SNX16: variants seen among roughly 807,000 people sequenced by gnomAD.
The protein encoded by SNX16 is sorting nexin 16.
A neutral mutation model predicts 36.7 loss-of-function variants in SNX16; 35 were observed. That is an observed-to-expected ratio of 0.95 (90% CI 0.73 to 1.27). The LOEUF (loss-of-function observed/expected upper bound fraction) is 1.27. Ranked by LOEUF, SNX16 falls within the 50% of genes most tolerant of loss-of-function variation. The pLI, the probability that SNX16 is intolerant of heterozygous loss-of-function variation, is 0.00. For synonymous variants in SNX16, 134 were observed against 132.0 expected (o/e 1.02, Z -0.10); for missense variants, 367 against 393.6 (o/e 0.93, Z 0.57).
At chr8:81,836,571 T>C (rs1811505439) in intron 2 of SNX16, among the ~76,000 whole-genome samples, 1 of 152,164 alleles carries the variant, frequency 6.6e-6, no homozygotes, top group African/African-American at 2.4e-5. Flanking sequence ...CTTTGACCTC[T>C]CTTTCTCCCA....
intron 5 of SNX16, chr8:81,808,667 A>G: frequency 1.0e-6 from 1 of 997,310 alleles, no homozygotes; most frequent in Non-Finnish European, 1.6e-6. Context: ...TTGCCAAACC[A>G]CGAAACCAAG....
chr8:81,810,681 T>C (rs1475580504), intron 5 of SNX16, among the ~76,000 whole-genome samples: 1 of 152,204 alleles, frequency 6.6e-6, no homozygotes, highest in Non-Finnish European at 1.5e-5. Context: ...AAATCAGTGG[T>C]TCTACATCAG....
chr8:81,814,795 A>G (rs1269343193), intron 5 of SNX16: 1 of 152,154 alleles, frequency 6.6e-6, no homozygotes, highest in Non-Finnish European at 1.5e-5. Context: ...AAAAACTTGC[A>G]TAAAATCCTA....
intron 2 of SNX16, among the ~76,000 whole-genome samples, chr8:81,836,726 C>A (rs1157440868): frequency 1.3e-5 from 2 of 152,240 alleles, no homozygotes; most frequent in East Asian, 3.8e-4. Flanking sequence ...AACCTACTAA[C>A]TGCTTCCTGC....
At position 81,801,548 on chromosome 8, in the gene SNX16, A is replaced by G. The variant is rs369990543; in HGVS notation, c.984T>C (p.Ala328=). 1.8e-5 allele frequency: 29 copies of G among 1,595,608 alleles called. No homozygotes were observed. The highest frequency in any genetic ancestry group is 2.4e-5 in the Non-Finnish European group (28 of 1,175,808). The change falls in exon 8 of 8, where the codon GCT becomes GCC. Residue 328 remains alanine, a synonymous_variant. Transcript: ENST00000345957. ...PCLSFSEPEN[A]VSEIEVAEVA... ...CTTCTGCTACTTCTATCTCTGATAC[A>G]GCATTTTCAGGTTCACTAAAACTTA...
At chr8:81,808,619 C>CA (rs1810081345) in intron 5 of SNX16, 1 of 946,130 alleles carries the variant, frequency 1.1e-6, no homozygotes, top group African/African-American at 1.6e-5. Flanking sequence ...ACTTTGGAGG[C>CA]AGAAGCTCTG....
chr8:81,810,231 A>C (rs1371772581), intron 5 of SNX16, among the ~76,000 whole-genome samples: 1 of 152,086 alleles, frequency 6.6e-6, no homozygotes, highest in African/African-American at 2.4e-5. Context: ...GAATTTTCCC[A>C]AAAAAAGGTA....
chr8:81,816,450 A>G (rs541402656), intron 4 of SNX16, among the ~76,000 whole-genome samples: 3 of 152,066 alleles, frequency 2.0e-5, no homozygotes, highest in South Asian at 2.1e-4. Context: ...TCAGCCTTCC[A>G]AAGTGCTGGG....
intron 2 of SNX16, among the ~76,000 whole-genome samples, chr8:81,836,169 C>A (rs1341491791): frequency 2.0e-5 from 3 of 152,184 alleles, no homozygotes; most frequent in African/African-American, 7.2e-5. Context: ...ATTCTACTCA[C>A]TACACATCCT....
chr8:81,832,636 T>C (rs929228555), intron 2 of SNX16, among the ~76,000 whole-genome samples: 2 of 152,052 alleles, frequency 1.3e-5, no homozygotes, highest in Non-Finnish European at 1.5e-5. Flanking sequence ...TTTGTAATTA[T>C]GTACAATTAT....
rs1026226679 is a variant in SNX16 at position 81,831,327 on chromosome 8, C to A, written c.376-1811G>T. ...ACTATCAATGGAATAAAGAGACAAC[C>A]TACAGAATGGGAGAAAATATTTGTA... On this transcript the variant is annotated intron_variant, in intron 2 of 7. Transcript: ENST00000345957. Among the ~76,000 whole-genome samples, 3 of 152,150 alleles carry A rather than the reference C, an allele frequency of 2.0e-5. No individual in the cohort carries two copies. In the East Asian group the frequency reaches 5.8e-4, roughly 29 times the overall value.
At position 81,815,359 on chromosome 8, in the gene SNX16, G is replaced by A; in HGVS notation, c.647C>T (p.Pro216Leu). ...AVREFLCLDD[P>L]PGPFDSLEES... is the part of the protein sequence containing the mutation. ...TTCTAGGCTATCAAATGGACCCGGT[G>A]GATCATCCAAACAAAGAAATTCTCT... Residue 216 changes from proline (P) to leucine (L), a missense_variant, in exon 5 of 8, where the codon CCA becomes CTA. Coordinates refer to ENST00000345957, the MANE Select transcript of SNX16 (RefSeq NM_152836.3). 3 of 1,612,402 alleles carry A rather than the reference G, an allele frequency of 1.9e-6. No individual in the cohort carries two copies. In the African/African-American group the frequency reaches 4.0e-5, roughly 22 times the overall value.
rs1342045376 is a variant in SNX16, at chr8:81,840,097, G to T, written c.-96-15C>A. On this transcript the variant is annotated splice_polypyrimidine_tract_variant and intron_variant, in intron 1 of 7. Transcript: ENST00000345957. ...GAATTCACTATCTAAAAATGAAAAG[G>T]ACATATTAAAAGGTTAGTCTTTAAT... 3 of 1,303,220 alleles carry T rather than the reference G, an allele frequency of 2.3e-6. No homozygotes were observed. Among genetic ancestry groups the T allele is most frequent in the East Asian group, 2.3e-5 (1 of 42,940 alleles). The allele number at this position is 1,303,220 out of a possible 1,614,324, so 80.7% of individuals were successfully genotyped here.
Position 81,805,793 on chromosome 8 carries a change from G to GT in SNX16, c.682-2566_682-2565insA, listed in dbSNP as rs1563430642. On this transcript the variant is annotated intron_variant, in intron 5 of 7. Transcript: ENST00000345957. ...AAAATTAGCTGGGCGTGGTGGCGAGGGCCTGTAGTCCCAGATACTCGGGAG... is the reference window on the plus strand; with the variant it reads ...AAAATTAGCTGGGCGTGGTGGCGAGGTGCCTGTAGTCCCAGATACTCGGGAG... Among the ~76,000 whole-genome samples, 33 of 151,680 alleles carry GT rather than the reference G, an allele frequency of 2.2e-4. No homozygotes were observed. In the East Asian group the frequency reaches 4.9e-3, roughly 22 times the overall value.
intron 5 of SNX16, chr8:81,808,317 A>G (rs891519749): frequency 1.2e-5 from 15 of 1,254,594 alleles, no homozygotes; most frequent in Non-Finnish European, 1.6e-5. Flanking sequence ...AGACCTGTCA[A>G]AGCAAGAGAT....
intron 6 of SNX16, 91 bp from the exon 7 acceptor site, chr8:81,802,590 A>C: frequency 9.1e-7 from 1 of 1,102,380 alleles, no homozygotes. Context: ...AGCAGTCTTT[A>C]GCTGTTAAGC....
intron 5 of SNX16, chr8:81,808,810 G>C (rs2955591): frequency 0.27 from 204,139 of 756,618 alleles, 29,925 homozygotes; most frequent in East Asian, 0.4. Context: ...GATTTGTGAA[G>C]TCAGCCAAGC....
At position 81,839,739 on chromosome 8, in the gene SNX16, G is replaced by C; in HGVS notation, c.248C>G (p.Ser83Cys). The stretch of plus-strand genomic sequence containing the variant: ...TCTTGGTCTAGTAGAATACTCAATG[G>C]AAGAAGCTGTACCTGTAAATTTAGT... ...IRTKFTGTAS[S>C]IEYSTRPRDT... is the part of the protein sequence containing the mutation. Residue 83 changes from serine (S) to cysteine (C), a missense_variant, in exon 2 of 8, where the codon TCC becomes TGC. Physicochemically the swap from Ser to Cys is moderately radical, Grantham distance 112 (BLOSUM62 -1). Coordinates refer to ENST00000345957, the MANE Select transcript of SNX16 (RefSeq NM_152836.3). 6.2e-7 allele frequency: 1 copy of C among 1,613,958 alleles called. No individual in the cohort carries two copies. The highest frequency in any genetic ancestry group is 8.5e-7 in the Non-Finnish European group (1 of 1,179,916).
chr8:81,838,287 C>T (rs951051503), intron 2 of SNX16, among the ~76,000 whole-genome samples: 1 of 152,098 alleles, frequency 6.6e-6, no homozygotes, highest in African/African-American at 2.4e-5. Flanking sequence ...GATGTCAGTT[C>T]TCCCCAGATT....
Sources: allele counts gnomAD v4.1 joint callset (sites outside exome capture counted in the v4.1 genomes callset), GRCh38; gene constraint gnomAD v4.1.1; transcripts MANE v1.5; gene names NCBI Gene and HGNC (gene_info 2026-07-23, HGNC 2026-07-21).